Variants in UMAD1 observed in about 807,000 individuals in gnomAD.
UMAD1 encodes the protein UBAP1-MVB12-associated (UMA)-domain containing protein 1.
A neutral mutation model predicts 6.1 loss-of-function variants in UMAD1; 8 were observed. The ratio of observed to expected loss-of-function variants is 1.30; its 90% CI spans 0.76 to 2.35. The LOEUF is 2.35. Ranked by LOEUF, UMAD1 falls within the 30% of genes most tolerant of loss-of-function variation. UMAD1 has a pLI of 0.00. For missense variants in UMAD1, 130 were observed against 78.4 expected (o/e 1.66, Z -2.49); for synonymous variants, 56 against 31.4 (o/e 1.78, Z -2.61).
chr7:7,694,164 C>A (rs1780248421), intron 2 of UMAD1, among the ~76,000 whole-genome samples: 1 of 152,072 alleles, frequency 6.6e-6, no homozygotes, highest in Non-Finnish European at 1.5e-5. Flanking sequence ...AGGAATGAAG[C>A]ATGTTTTCTT....
intron 3 of UMAD1, among the ~76,000 whole-genome samples, chr7:7,864,602 TACACACACACACACACACAC>T (rs59036228): frequency 2.4e-4 from 33 of 140,218 alleles, no homozygotes; most frequent in South Asian, 2.2e-3. Context: ...ACATGAAAAC[TACACACACACACACACACAC>T]ACACACACAC....
At chr7:7,832,928 AG>A (rs1491567053) in intron 3 of UMAD1, among the ~76,000 whole-genome samples, 2 of 150,706 alleles carry the variant, frequency 1.3e-5, no homozygotes, top group Non-Finnish European at 2.9e-5. Context: ...TTTCATAGAC[AG>A]GGGGGAACGT....
intron 3 of UMAD1, among the ~76,000 whole-genome samples, chr7:7,847,098 AAAAAAAATATAT>A (rs1391394435): frequency 3.0e-4 from 14 of 46,906 alleles, no homozygotes; most frequent in Non-Finnish European, 4.2e-4. Context: ...AAAAAAAAAA[AAAAAAAATATAT>A]ATATATATAT....
intron 3 of UMAD1, among the ~76,000 whole-genome samples, chr7:7,849,579 A>T (rs766931779): frequency 6.6e-5 from 10 of 152,172 alleles, no homozygotes; most frequent in Non-Finnish European, 1.2e-4. Flanking sequence ...ATGGTCATTC[A>T]ACAGTATTTA....
chr7:7,680,528 T>C (rs998462920), intron 2 of UMAD1, among the ~76,000 whole-genome samples: 1 of 152,204 alleles, frequency 6.6e-6, no homozygotes, highest in Non-Finnish European at 1.5e-5. Flanking sequence ...TCTGGGTCTT[T>C]TGTGATTCTA....
At chr7:7,738,768 C>G (rs778035128) in intron 2 of UMAD1, 1 of 152,242 alleles carries the variant, frequency 6.6e-6, no homozygotes, top group African/African-American at 2.4e-5. Context: ...AAAAATGGCA[C>G]TACCTTTCCT....
At chr7:7,643,546 A>T (rs1232565982) in intron 1 of UMAD1, among the ~76,000 whole-genome samples, 2 of 152,172 alleles carry the variant, frequency 1.3e-5, no homozygotes, top group African/African-American at 4.8e-5. Context: ...CCCTGTCTCT[A>T]CTAAATATAC....
chr7:7,659,061 C>G (rs562612712), intron 1 of UMAD1, among the ~76,000 whole-genome samples: 1 of 152,282 alleles, frequency 6.6e-6, no homozygotes, highest in East Asian at 1.9e-4. Context: ...GGAATTTATC[C>G]ATTTCTTCTA....
intron 2 of UMAD1, among the ~76,000 whole-genome samples, chr7:7,692,862 T>C (rs752800341): frequency 6.6e-6 from 1 of 152,144 alleles, no homozygotes; most frequent in African/African-American, 2.4e-5. Flanking sequence ...CTGCCTCGGC[T>C]TCCCACAGGG....
intron 2 of UMAD1, chr7:7,715,267 G>C (rs548897639): frequency 6.6e-6 from 1 of 152,228 alleles, no homozygotes; most frequent in African/African-American, 2.4e-5. Context: ...GAACTGAAAA[G>C]TTTTCACCAG....
intron 3 of UMAD1, among the ~76,000 whole-genome samples, chr7:7,835,838 T>C (rs1262612431): frequency 6.6e-6 from 1 of 152,074 alleles, no homozygotes; most frequent in Non-Finnish European, 1.5e-5. Context: ...TTCCATTTAG[T>C]TATGAGTAAT....
At chr7:7,721,949 C>T (rs1176808526) in intron 2 of UMAD1, among the ~76,000 whole-genome samples, 3 of 152,060 alleles carry the variant, frequency 2.0e-5, no homozygotes, top group Non-Finnish European at 2.9e-5. Flanking sequence ...ATAAAGCAGG[C>T]AGGAAAACGT....
intron 2 of UMAD1, among the ~76,000 whole-genome samples, chr7:7,786,697 C>G (rs1469651801): frequency 1.3e-5 from 2 of 152,192 alleles, no homozygotes; most frequent in South Asian, 4.1e-4. Context: ...ATACTTTGCT[C>G]TTGCCTTAGA....
intron 3 of UMAD1, among the ~76,000 whole-genome samples, chr7:7,864,967 G>A (rs927195041): frequency 6.6e-6 from 1 of 152,186 alleles, no homozygotes; most frequent in African/African-American, 2.4e-5. Flanking sequence ...TTCTGGATTG[G>A]TGAACACATT....
intron 3 of UMAD1, among the ~76,000 whole-genome samples, chr7:7,866,157 A>C (rs6463734): frequency 6.6e-6 from 1 of 152,018 alleles, no homozygotes; most frequent in Non-Finnish European, 1.5e-5. Context: ...CTAATTCCTA[A>C]CTTATTTAGA....
chr7:7,714,860 T>C (rs1017025493), intron 2 of UMAD1, among the ~76,000 whole-genome samples: 2 of 150,406 alleles, frequency 1.3e-5, no homozygotes, highest in Admixed American at 6.6e-5. Context: ...TTTCTTTTTT[T>C]TTTTTTTTTT....
intron 2 of UMAD1, among the ~76,000 whole-genome samples, chr7:7,732,074 C>T (rs984904575): frequency 4.6e-5 from 7 of 151,838 alleles, no homozygotes; most frequent in African/African-American, 7.3e-5. Flanking sequence ...CTTACATCTT[C>T]TGCTTGGATT....
At chr7:7,771,022 G>A (rs1448186089) in intron 2 of UMAD1, among the ~76,000 whole-genome samples, 1 of 152,140 alleles carries the variant, frequency 6.6e-6, no homozygotes, top group African/African-American at 2.4e-5. Flanking sequence ...GAGTAACACA[G>A]GAGGTGGAGG....
chr7:7,659,132 T>G (rs1003703379), intron 1 of UMAD1, among the ~76,000 whole-genome samples: 4 of 152,360 alleles, frequency 2.6e-5, no homozygotes, highest in Middle Eastern at 6.8e-3. Context: ...TTTGTATTGC[T>G]GTGGGATCAA....
Sources: gnomAD v4.1 joint callset for allele counts (sites outside exome capture counted in the v4.1 genomes callset) on GRCh38, gnomAD v4.1.1 for gene constraint, MANE v1.5 for transcripts, NCBI Gene and HGNC (gene_info 2026-07-23, HGNC 2026-07-21) for gene names.